Variants in PARD3B observed in about 807,000 individuals in gnomAD.
The protein encoded by PARD3B is par-3 family cell polarity regulator beta, also known as partitioning defective 3 homolog B.
In PARD3B, 103 loss-of-function variants were observed where a neutral mutation model predicts 130.2. That is an observed-to-expected ratio of 0.79 (90% confidence interval 0.67 to 0.93). The LOEUF is 0.93. Among genes scored for constraint, PARD3B ranks in the 40% least tolerant of loss-of-function variants. PARD3B has a pLI of 0.00. For missense variants in PARD3B, 1,609 were observed against 1,499.2 expected (o/e 1.07, Z -1.21); for synonymous variants, 583 against 553.2 (o/e 1.05, Z -0.76).
intron 18 of PARD3B, among the ~76,000 whole-genome samples, chr2:205,343,322 G>A (rs2105815966): frequency 6.6e-6 from 1 of 152,320 alleles, no homozygotes; most frequent in East Asian, 1.9e-4. Context: ...TGTGCTCCGA[G>A]CATGAAGGAG....
chr2:205,462,534 A>G (rs752988328), intron 20 of PARD3B, among the ~76,000 whole-genome samples: 4 of 152,324 alleles, frequency 2.6e-5, no homozygotes, highest in Non-Finnish European at 4.4e-5. Flanking sequence ...CTCAGTTCAC[A>G]TTGTGATTTT....
intron 1 of PARD3B, among the ~76,000 whole-genome samples, chr2:204,650,831 T>C (rs2125168113): frequency 6.6e-6 from 1 of 152,140 alleles, no homozygotes; most frequent in East Asian, 1.9e-4. Flanking sequence ...GCCTCAGGAC[T>C]CTTATGATCA....
At chr2:205,381,246 T>A (rs971541613) in intron 18 of PARD3B, among the ~76,000 whole-genome samples, 1 of 122,170 alleles carries the variant, frequency 8.2e-6, no homozygotes, top group African/African-American at 3.4e-5. Context: ...ATAAAAAGAA[T>A]ATATGTTATA....
chr2:204,560,775 C>T (rs372570356), intron 1 of PARD3B, among the ~76,000 whole-genome samples: 14 of 152,042 alleles, frequency 9.2e-5, no homozygotes, highest in African/African-American at 3.1e-4. Context: ...GTTGGACCTA[C>T]CTTTTTTATT....
At position 205,142,433 on chromosome 2, in the gene PARD3B, T is replaced by G. The variant is rs1045312460; in HGVS notation, c.1435-16289T>G. 6.6e-6 allele frequency among the ~76,000 whole-genome samples: 1 copy of G among 152,126 alleles called. No homozygotes were observed. Among genetic ancestry groups the G allele is most frequent in the Admixed American group, 6.5e-5 (1 of 15,270 alleles). On this transcript the variant is annotated intron_variant, in intron 10 of 22. Transcript: ENST00000406610. This position sits in a 1 kb window ranked among gnomAD's most constrained non-coding sequence, Gnocchi z 4.3. ...CTTAAATACAATTTCAAAGAGGTAT[T>G]GTGGCAGAGAAGTGTCAACAAAACA...
At chr2:204,756,195 A>G (rs933875381) in intron 2 of PARD3B, among the ~76,000 whole-genome samples, 1 of 152,154 alleles carries the variant, frequency 6.6e-6, no homozygotes, top group Admixed American at 6.6e-5. Flanking sequence ...GGGTCACACA[A>G]GATTACCTGA....
In PARD3B at chr2:205,172,302, G is replaced by C. The variant is rs1164768569; in HGVS notation, c.1712G>C (p.Arg571Thr). ...AACCACGAAGCTATGGAAACACTTA[G>C]GCGGTCAATGTCCATGGAGGGAAAC... ...KSNHEAMETL[R>T]RSMSMEGNIR... The change falls in exon 12 of 23, where the codon AGG (arginine) becomes ACG (threonine). Residue 571 changes from arginine to threonine, a missense_variant. Transcript: ENST00000406610. The C allele has an allele frequency of 1.2e-6, 2 of 1,614,130 alleles. No individual in the cohort carries two copies. The highest frequency in any genetic ancestry group is 1.7e-6 in the Non-Finnish European group (2 of 1,180,018).
chr2:204,546,097 G>T lies in PARD3B; in HGVS notation c.98G>T (p.Arg33Leu). Residue 33 changes from arginine (R) to leucine (L), a missense_variant, in exon 1 of 23, where the codon CGG (arginine) becomes CTG (leucine). Physicochemically the swap from Arg to Leu is moderately radical, Grantham distance 102 (BLOSUM62 -2). Coordinates refer to ENST00000406610, the MANE Select transcript of PARD3B (RefSeq NM_001302769.2). Reference protein sequence around the residue: ...VGELTQQALQRYLKTREKGPG... With the variant: ...VGELTQQALQLYLKTREKGPG... ...GAGCTCACCCAGCAGGCGCTGCAGC[G>T]GTACCTGAAGACCCGGGAGAAGGTG... 6.4e-7 allele frequency: 1 copy of T among 1,556,462 alleles called. No homozygotes were observed.
At chr2:204,554,541 T>C (rs911515107) in intron 1 of PARD3B, among the ~76,000 whole-genome samples, 4 of 152,104 alleles carry the variant, frequency 2.6e-5, no homozygotes, top group African/African-American at 9.7e-5. Flanking sequence ...TCTGCTCTCA[T>C]ACTAGATTTG....
At chr2:205,225,102 C>G (rs984819515) in intron 15 of PARD3B, among the ~76,000 whole-genome samples, 2 of 151,984 alleles carry the variant, frequency 1.3e-5, no homozygotes, top group Admixed American at 6.5e-5. Context: ...TACTGATTTC[C>G]TTGCTTTTGG....
rs759338831 is a variant in PARD3B, at chr2:205,300,821, A to G, written c.2392+85A>G. The G allele has an allele frequency of 3.8e-6, 5 of 1,304,808 alleles. No homozygotes were observed. Among genetic ancestry groups the G allele is most frequent in the Admixed American group, 2.3e-5 (1 of 43,958 alleles). The allele number at this position is 1,304,808 out of a possible 1,614,324, so 80.8% of individuals were successfully genotyped here. ...GCAAGAATGTGTGCTCAACTACAGA[A>G]AAAAATGATTTAAGGATCACAATTA... On this transcript the variant is annotated intron_variant, in intron 17 of 22. Transcript: ENST00000406610. The surrounding 1 kb of genome is among the most constrained non-coding windows in gnomAD (Gnocchi z 4.1).
chr2:205,033,890 C>T (rs780666317), intron 3 of PARD3B, among the ~76,000 whole-genome samples: 19 of 152,072 alleles, frequency 1.2e-4, no homozygotes, highest in Non-Finnish European at 2.6e-4. Context: ...CAGTAATTGA[C>T]GAGATTGAGT....
At chr2:205,086,427 G>A (rs2125526463) in intron 4 of PARD3B, among the ~76,000 whole-genome samples, 1 of 152,218 alleles carries the variant, frequency 6.6e-6, no homozygotes, top group Admixed American at 6.5e-5. Flanking sequence ...TTATGTGGGA[G>A]CAATTACAAA....
At chr2:204,699,662 G>A (rs2037794580) in intron 2 of PARD3B, among the ~76,000 whole-genome samples, 1 of 152,060 alleles carries the variant, frequency 6.6e-6, no homozygotes, top group African/African-American at 2.4e-5. Flanking sequence ...AATAAGACAA[G>A]CAACAAAGAA....
chr2:205,544,784 A>G (rs963076246), intron 21 of PARD3B, among the ~76,000 whole-genome samples: 1 of 152,200 alleles, frequency 6.6e-6, no homozygotes, highest in Non-Finnish European at 1.5e-5. Flanking sequence ...GCCTGCACAC[A>G]GTTACTATAT....
rs1258188547 is a variant in PARD3B at position 205,572,828 on chromosome 2, G to A, written c.3260+19425G>A. Among the ~76,000 whole-genome samples the A allele has an allele frequency of 6.6e-6, 1 of 152,164 alleles. No homozygotes were observed. Among genetic ancestry groups the A allele is most frequent in the Non-Finnish European group, 1.5e-5 (1 of 68,024 alleles). Reference sequence around the variant, plus strand: ...TTATGTGGTCCCTACAAAAGATGCTGAAAGCCTGAAATGAGGACATAAGTG... The same window carrying A: ...TTATGTGGTCCCTACAAAAGATGCTAAAAGCCTGAAATGAGGACATAAGTG... On this transcript the variant is annotated intron_variant, in intron 22 of 22. Transcript: ENST00000406610. The surrounding 1 kb of genome is among the most constrained non-coding windows in gnomAD (Gnocchi z 4.2).
intron 20 of PARD3B, among the ~76,000 whole-genome samples, chr2:205,486,236 G>T (rs2049436355): frequency 2.0e-5 from 3 of 152,178 alleles, no homozygotes; most frequent in African/African-American, 7.2e-5. Context: ...ATCTGAGCAT[G>T]TTTTAAAAAC....
intron 18 of PARD3B, among the ~76,000 whole-genome samples, chr2:205,356,508 G>A (rs948665779): frequency 1.3e-5 from 2 of 152,110 alleles, no homozygotes; most frequent in African/African-American, 4.8e-5. Context: ...GATTTTAGGT[G>A]TGAGCCACTG....
At chr2:204,711,590 G>C (rs1402227781) in intron 2 of PARD3B, among the ~76,000 whole-genome samples, 2 of 151,414 alleles carry the variant, frequency 1.3e-5, no homozygotes, top group African/African-American at 4.9e-5. Flanking sequence ...CTGTCACCCA[G>C]ACTGGAGCAC....
Sources: allele counts gnomAD v4.1 joint callset (sites outside exome capture counted in the v4.1 genomes callset), GRCh38; gene constraint gnomAD v4.1.1; non-coding constraint Gnocchi (gnomAD v3.1); transcripts MANE v1.5; gene names NCBI Gene and HGNC (gene_info 2026-07-23, HGNC 2026-07-21).